The following EYS variants were observed in gnomAD, a reference collection of about 807,000 sequenced individuals.
EYS encodes the protein protein eyes shut homolog.
Under a neutral mutation model 282.1 loss-of-function variants are expected in EYS, and 250 were observed. That is an observed-to-expected ratio of 0.89 (90% CI 0.80 to 0.98). EYS has a LOEUF of 0.98. Ranked by LOEUF, EYS falls within the 50% of genes least tolerant of loss-of-function variation. The probability of loss-of-function intolerance (pLI) is 0.00; values close to 1 mark genes in which losing one functional copy is unlikely to be tolerated. For missense variants in EYS, 4,016 were observed against 3,709.0 expected, an observed-to-expected ratio of 1.08 and a Z score of -2.15; for synonymous variants, 1,355 against 1,282.9, an observed-to-expected ratio of 1.06 and a Z score of -1.20.
chr6:64,240,940 T>G (rs1188510045), intron 30 of EYS, among the ~76,000 whole-genome samples: 4 of 152,314 alleles, frequency 2.6e-5, no homozygotes, highest in African/African-American at 9.6e-5. Context: ...CTGCCTAGTT[T>G]ATTGAGAGTT....
At chr6:65,043,016 C>T (rs1248303299) in intron 13 of EYS, among the ~76,000 whole-genome samples, 1 of 151,402 alleles carries the variant, frequency 6.6e-6, no homozygotes, top group African/African-American at 2.4e-5. Flanking sequence ...ATTTCTGATT[C>T]TATAGGACCG....
chr6:65,141,302 T>C (rs1320657556), intron 12 of EYS, among the ~76,000 whole-genome samples: 2 of 151,652 alleles, frequency 1.3e-5, no homozygotes, highest in African/African-American at 2.4e-5. Context: ...CGAGAACACA[T>C]GGACACAGGA....
At chr6:64,563,560 G>C (rs1206641536) in intron 26 of EYS, among the ~76,000 whole-genome samples, 3 of 152,056 alleles carry the variant, frequency 2.0e-5, no homozygotes, top group Non-Finnish European at 4.4e-5. Flanking sequence ...ACCAGATCCT[G>C]ATGTCTAAAA....
chr6:64,766,649 A>AAAAAAAAAAAATATAT (rs1387919586), intron 22 of EYS, among the ~76,000 whole-genome samples: 5 of 19,050 alleles, frequency 2.6e-4, no homozygotes, highest in Non-Finnish European at 4.1e-4. Context: ...AAAAAAAAAA[A>AAAAAAAAAAAATATAT]ATATATATAT....
chr6:65,074,195 C>G (rs1773980532), intron 12 of EYS, among the ~76,000 whole-genome samples: 1 of 151,954 alleles, frequency 6.6e-6, no homozygotes, highest in East Asian at 1.9e-4. Flanking sequence ...AGGTAATTCC[C>G]TTTGAGACTA....
chr6:64,044,609 C>A (rs888599699), intron 33 of EYS, among the ~76,000 whole-genome samples: 8 of 152,130 alleles, frequency 5.3e-5, no homozygotes, highest in African/African-American at 1.9e-4. Flanking sequence ...AATGTATTTG[C>A]CCTTTGGTCT....
At chr6:64,298,192 C>T (rs977032828) in intron 30 of EYS, among the ~76,000 whole-genome samples, 1 of 151,990 alleles carries the variant, frequency 6.6e-6, no homozygotes, top group Non-Finnish European at 1.5e-5. Context: ...GCTTATAATG[C>T]ACTTTTTGTT....
rs1324249881 is a variant in EYS at position 64,347,895 on chromosome 6, T to C, written c.6078+40795A>G. Among the ~76,000 whole-genome samples, 3 of 151,388 alleles carry C rather than the reference T, an allele frequency of 2.0e-5. No homozygotes were observed. The East Asian group carries it at 5.9e-4, about 30-fold the overall frequency. ...CGGCCTCAACACAAAAAAATTCACC[T>C]TATTTCTGGGTAGAATTTTACTCTC... On this transcript the variant is annotated intron_variant, in intron 29 of 42. Coordinates refer to ENST00000503581, the MANE Select transcript of EYS (RefSeq NM_001142800.2).
intron 30 of EYS, among the ~76,000 whole-genome samples, chr6:64,235,632 A>ATT (rs1766576931): frequency 6.6e-6 from 1 of 152,136 alleles, no homozygotes; most frequent in Non-Finnish European, 1.5e-5. Flanking sequence ...GTCAAATGGT[A>ATT]TTTCTGGTTC....
intron 28 of EYS, among the ~76,000 whole-genome samples, chr6:64,433,140 T>G (rs1328433995): frequency 2.6e-5 from 4 of 152,164 alleles, no homozygotes; most frequent in Admixed American, 6.6e-5. Flanking sequence ...TCGCTTTTTC[T>G]GAGATAGATC....
At chr6:64,760,931 T>C (rs947963379) in intron 22 of EYS, among the ~76,000 whole-genome samples, 1 of 152,208 alleles carries the variant, frequency 6.6e-6, no homozygotes, top group Non-Finnish European at 1.5e-5. Context: ...AACTCTTTGA[T>C]GTAACTTTCT....
chr6:65,510,835 C>G (rs902279612), intron 2 of EYS, among the ~76,000 whole-genome samples: 3 of 152,090 alleles, frequency 2.0e-5, no homozygotes, highest in Admixed American at 6.5e-5. Context: ...TAGTATTACT[C>G]AAGGCAATTA....
rs569629555 is a variant in EYS at position 64,765,795 on chromosome 6, G to T, written c.3443+47583C>A. 1.5e-4 allele frequency among the ~76,000 whole-genome samples: 23 copies of T among 152,056 alleles called. 1 individual carries two copies. Among genetic ancestry groups the T allele is most frequent in the Admixed American group, 5.9e-4 (9 of 15,258 alleles). ...CATGAGAACAGCTTGGAGGAAATCT[G>T]CCCCCCATGATCCAATCACCTCCCA... On this transcript the variant is annotated intron_variant, in intron 22 of 42. Coordinates refer to ENST00000503581, the MANE Select transcript of EYS (RefSeq NM_001142800.2).
intron 19 of EYS, among the ~76,000 whole-genome samples, chr6:64,855,006 G>C (rs1766008983): frequency 1.3e-5 from 2 of 151,766 alleles, no homozygotes; most frequent in Non-Finnish European, 2.9e-5. Context: ...TTGTCTTCTG[G>C]TTTACATAGT....
chr6:65,558,309 G>A (rs1205817170), intron 2 of EYS, among the ~76,000 whole-genome samples: 1 of 152,244 alleles, frequency 6.6e-6, no homozygotes. Context: ...TGGTATGTCA[G>A]TGCAGCCTTG....
intron 19 of EYS, among the ~76,000 whole-genome samples, chr6:64,871,704 G>T (rs1028041044): frequency 1.3e-5 from 2 of 151,982 alleles, no homozygotes; most frequent in Non-Finnish European, 2.9e-5. Flanking sequence ...ATGCTAGTCA[G>T]CTCCTCCCAA....
intron 26 of EYS, among the ~76,000 whole-genome samples, chr6:64,500,358 TC>T (rs1777000349): frequency 6.6e-6 from 1 of 152,146 alleles, no homozygotes; most frequent in Non-Finnish European, 1.5e-5. Context: ...ATGGTACGTA[TC>T]TGTTTGCTCT....
chr6:64,716,631 G>T (rs1032444584), intron 22 of EYS, among the ~76,000 whole-genome samples: 2 of 152,190 alleles, frequency 1.3e-5, no homozygotes, highest in African/African-American at 2.4e-5. Context: ...GCAACAGGCA[G>T]GATCAACTCT....
intron 2 of EYS, among the ~76,000 whole-genome samples, chr6:65,523,862 G>A (rs780663691): frequency 6.6e-6 from 1 of 152,020 alleles, no homozygotes; most frequent in African/African-American, 2.4e-5. Context: ...TACAGCCAAC[G>A]TGGAATAAAA....
Sources: gnomAD v4.1 joint callset for allele counts (sites outside exome capture counted in the v4.1 genomes callset) on GRCh38, gnomAD v4.1.1 for gene constraint, MANE v1.5 for transcripts, NCBI Gene and HGNC (gene_info 2026-07-23, HGNC 2026-07-21) for gene names.